Variants in ANLN observed in about 807,000 individuals in gnomAD.
ANLN encodes anillin.
In ANLN, 59 loss-of-function variants were observed where a neutral mutation model predicts 135.1. The observed-to-expected ratio is 0.44, with a 90% CI of 0.35 to 0.54. The LOEUF is 0.54. Ranked by LOEUF, ANLN falls within the 20% of genes least tolerant of loss-of-function variation. The pLI is 0.00. For synonymous variants in ANLN, 406 were observed against 456.4 expected, an observed-to-expected ratio of 0.89 and a Z score of 1.41; for missense variants, 1,182 against 1,340.0, an observed-to-expected ratio of 0.88 and a Z score of 1.84.
chr7:36,399,065 C>A lies in ANLN; in HGVS notation c.173-14C>A. The A allele has an allele frequency of 1.3e-6, 2 of 1,567,268 alleles. No homozygotes were observed. Among genetic ancestry groups the A allele is most frequent in the South Asian group, 2.4e-5 (2 of 84,272 alleles). The stretch of plus-strand genomic sequence containing the variant: ...TACAAATTTGAATGTCTTTTTTCAT[C>A]GTTTTTAATGTAGAGAAATCTTGTA... On this transcript the variant is annotated splice_polypyrimidine_tract_variant and intron_variant, in intron 2 of 23. Transcript: ENST00000265748.
At chr7:36,419,123 G>A (rs1787766119) in intron 9 of ANLN, 121 bp from the exon 10 acceptor site, 3 of 634,496 alleles carry the variant, frequency 4.7e-6, no homozygotes, top group Admixed American at 3.3e-5. Flanking sequence ...TTTTTAGGAG[G>A]TGCTTTTTTT....
At position 36,389,881 on chromosome 7, in the gene ANLN, G is replaced by A; in HGVS notation, c.-146G>A. ...GAGGCCGAGTCCGTCACTGGAAGCCGAGAGGAGAGGACAGCTGGTTGTGGG... is the reference window on the plus strand; with the variant it reads ...GAGGCCGAGTCCGTCACTGGAAGCCAAGAGGAGAGGACAGCTGGTTGTGGG... On this transcript the variant is annotated 5_prime_UTR_variant, in exon 1 of 24. Transcript: ENST00000265748. 1.4e-6 allele frequency: 2 copies of A among 1,434,838 alleles called. No individual in the cohort carries two copies. Among genetic ancestry groups the A allele is most frequent in the Non-Finnish European group, 1.9e-6 (2 of 1,032,270 alleles). 88.9% of individuals were successfully genotyped at this position (1,434,838 alleles called of 1,614,324 possible).
intron 1 of ANLN, among the ~76,000 whole-genome samples, chr7:36,392,440 G>C (rs1786515927): frequency 6.7e-6 from 1 of 149,334 alleles, no homozygotes; most frequent in Admixed American, 6.6e-5. Context: ...AAGTTGTTCA[G>C]GGACTATAAG....
At chr7:36,419,764 A>G (rs1383519315) in intron 10 of ANLN, among the ~76,000 whole-genome samples, 1 of 152,190 alleles carries the variant, frequency 6.6e-6, no homozygotes, top group Non-Finnish European at 1.5e-5. Context: ...TAAGCTCTCT[A>G]TGCCACCATT....
chr7:36,419,695 G>C (rs1453117427), intron 10 of ANLN, among the ~76,000 whole-genome samples: 1 of 152,182 alleles, frequency 6.6e-6, no homozygotes, highest in East Asian at 1.9e-4. Context: ...TAAAAGGCCA[G>C]GCATTTGGGC....
At chr7:36,393,915 T>C (rs1583587455) in intron 1 of ANLN, among the ~76,000 whole-genome samples, 1 of 152,228 alleles carries the variant, frequency 6.6e-6, no homozygotes, top group South Asian at 2.1e-4. Flanking sequence ...ATTTTTTAAG[T>C]GTAGGGAGTT....
intron 21 of ANLN, among the ~76,000 whole-genome samples, chr7:36,442,245 C>G (rs546057022): frequency 2.0e-5 from 3 of 152,254 alleles, no homozygotes; most frequent in Admixed American, 6.5e-5. Context: ...CAGCAACAAC[C>G]AAGTAATACT....
At chr7:36,415,915 A>G in intron 8 of ANLN, 31 bp downstream of exon 8, 1 of 1,504,544 alleles carries the variant, frequency 6.6e-7, no homozygotes, top group Admixed American at 2.3e-5. Context: ...CATGGTTAGT[A>G]TGTAGAAACT....
chr7:36,450,594 G>T (rs1049465284), intron 23 of ANLN, among the ~76,000 whole-genome samples: 1 of 152,144 alleles, frequency 6.6e-6, no homozygotes, highest in Admixed American at 6.5e-5. Flanking sequence ...AGAGACTGCC[G>T]ATTTGTTTTA....
rs1358393419 is a variant in ANLN at position 36,452,804 on chromosome 7, A to G, written c.*204A>G. The G allele has an allele frequency of 2.4e-6, 1 of 421,872 alleles. No homozygotes were observed. Among genetic ancestry groups the G allele is most frequent in the East Asian group, 3.9e-5 (1 of 25,610 alleles). The allele number at this position is 421,872 out of a possible 1,614,324, so 26.1% of individuals were successfully genotyped here. A position where few individuals can be genotyped will look rare whatever the true frequency, so the allele number is the denominator to read the frequency against. Reference sequence around the variant, plus strand: ...CATTCATCAATGAGTAGAAGTAAATACATTATAGTTGATTTTGCTAAATCT... The same window carrying G: ...CATTCATCAATGAGTAGAAGTAAATGCATTATAGTTGATTTTGCTAAATCT... On this transcript the variant is annotated 3_prime_UTR_variant, in exon 24 of 24. Transcript: ENST00000265748.
chr7:36,452,241 C>A (rs1010681486), intron 23 of ANLN, among the ~76,000 whole-genome samples: 16 of 152,202 alleles, frequency 1.1e-4, no homozygotes, highest in African/African-American at 3.9e-4. Context: ...AAACACCATC[C>A]TTTACCAAGT....
chr7:36,422,694 G>A lies in ANLN; in HGVS notation c.2361G>A (p.Arg787=), dbSNP rs1787928039. 1 of 1,612,612 alleles carries A rather than the reference G, an allele frequency of 6.2e-7. No individual in the cohort carries two copies. Among genetic ancestry groups the A allele is most frequent in the Admixed American group, 1.7e-5 (1 of 59,472 alleles). Residue 787 remains arginine (R), a synonymous_variant, in exon 14 of 24, where the codon AGG becomes AGA. Coordinates refer to ENST00000265748, the MANE Select transcript of ANLN (RefSeq NM_018685.5). The part of the protein sequence containing the change: ...LNKLKNEGPQ[R]KNKASPQSEF... ...AATTGAAGAACGAAGGACCTCAGAG[G>A]AAGAATAAGGCTAGTCCCCAAAGTG...
At chr7:36,402,708 T>C (rs1353637117) in intron 3 of ANLN, among the ~76,000 whole-genome samples, 1 of 152,192 alleles carries the variant, frequency 6.6e-6, no homozygotes, top group Non-Finnish European at 1.5e-5. Context: ...ACACACACTC[T>C]GCTCATGTTA....
chr7:36,390,205 G>T (rs1053022499), intron 1 of ANLN, 161 bp downstream of exon 1: 32 of 1,164,634 alleles, frequency 2.7e-5, no homozygotes, highest in Non-Finnish European at 3.6e-5. Flanking sequence ...GCGGCCTGCT[G>T]TGGTTGGTGG....
chr7:36,451,011 TA>T (rs967089014), intron 23 of ANLN, among the ~76,000 whole-genome samples: 2 of 152,256 alleles, frequency 1.3e-5, no homozygotes, highest in African/African-American at 4.8e-5. Flanking sequence ...TTTCTCACTA[TA>T]AAATTATAAC....
In ANLN at chr7:36,411,139, A is replaced by G. The variant is rs769888151; in HGVS notation, c.1368A>G (p.Ser456=). The G allele has an allele frequency of 1.9e-6, 3 of 1,607,688 alleles. No individual in the cohort carries two copies. Among genetic ancestry groups the G allele is most frequent in the Non-Finnish European group, 1.7e-6 (2 of 1,178,674 alleles). Reference sequence around the variant, plus strand: ...GGAGTGCAGAAAAAGGCGGAAACTCAAAAAGCAAACAACTAGAAACCAAAC... The same window carrying G: ...GGAGTGCAGAAAAAGGCGGAAACTCGAAAAGCAAACAACTAGAAACCAAAC... ...NIWSAEKGGN[S]KSKQLETKQE... The change falls in exon 7 of 24, where the codon TCA becomes TCG. Residue 456 remains serine (S), a synonymous_variant. Coordinates refer to ENST00000265748, the MANE Select transcript of ANLN (RefSeq NM_018685.5).
intron 23 of ANLN, among the ~76,000 whole-genome samples, chr7:36,450,681 A>G (rs1247338640): frequency 6.6e-6 from 1 of 152,160 alleles, no homozygotes; most frequent in Admixed American, 6.5e-5. Flanking sequence ...ATTTTAACTC[A>G]ATTATTTCAG....
At chr7:36,392,616 T>C (rs1192768333) in intron 1 of ANLN, among the ~76,000 whole-genome samples, 2 of 151,732 alleles carry the variant, frequency 1.3e-5, no homozygotes, top group African/African-American at 4.8e-5. Flanking sequence ...TATACTATTA[T>C]AAGGAACGGC....
intron 12 of ANLN, 110 bp from the exon 13 acceptor site, chr7:36,421,747 C>G: frequency 9.6e-7 from 1 of 1,037,852 alleles, no homozygotes; most frequent in Non-Finnish European, 1.4e-6. Context: ...TTTTGACTTT[C>G]ATCTGGAAAT....
Sources: gnomAD v4.1 joint callset for allele counts (sites outside exome capture counted in the v4.1 genomes callset) on GRCh38, gnomAD v4.1.1 for gene constraint, MANE v1.5 for transcripts, NCBI Gene and HGNC (gene_info 2026-07-23, HGNC 2026-07-21) for gene names.